Variants in ASIP observed in about 807,000 individuals in gnomAD.
ASIP encodes the protein agouti signaling protein.
ASIP carries 11 observed loss-of-function variants against 10.3 expected under a neutral mutation model. The ratio of observed to expected loss-of-function variants is 1.07; its 90% confidence interval spans 0.68 to 1.78. ASIP has a LOEUF of 1.78. Among genes scored for constraint, ASIP ranks in the 40% most tolerant of loss-of-function variants. The pLI, the probability that ASIP is intolerant of heterozygous loss-of-function variation, is 0.00. For synonymous variants in ASIP, 70 were observed against 70.8 expected, an observed-to-expected ratio of 0.99 and a Z score of 0.06; for missense variants, 180 against 169.2, an observed-to-expected ratio of 1.06 and a Z score of -0.35.
chr20:34,262,722 C>T, intron 2 of ASIP, 110 bp from the exon 3 acceptor site: 1 of 1,210,842 alleles, frequency 8.3e-7, no homozygotes, highest in Non-Finnish European at 1.2e-6. Flanking sequence ...CACGCTTCTT[C>T]TCCTCTCCCT....
intron 1 of ASIP, among the ~76,000 whole-genome samples, chr20:34,251,693 T>C (rs1026356758): frequency 1.3e-5 from 2 of 152,226 alleles, no homozygotes; most frequent in Non-Finnish European, 2.9e-5. Context: ...GTTGAAATCC[T>C]CACTGCCAAG....
chr20:34,197,251 C>T (rs74569502), intron 1 of ASIP, among the ~76,000 whole-genome samples: 16,215 of 152,058 alleles, frequency 0.11, 916 homozygotes, highest in South Asian at 0.18. Context: ...CGGGTGCCTA[C>T]TCTAGAGGCT....
At chr20:34,248,769 C>T (rs1568762767) in intron 1 of ASIP, among the ~76,000 whole-genome samples, 1 of 151,996 alleles carries the variant, frequency 6.6e-6, no homozygotes, top group Non-Finnish European at 1.5e-5. Flanking sequence ...CATTGCCTTC[C>T]AGCCTGGGTG....
At chr20:34,233,678 C>T (rs1353639612) in intron 1 of ASIP, among the ~76,000 whole-genome samples, 1 of 152,184 alleles carries the variant, frequency 6.6e-6, no homozygotes, top group Non-Finnish European at 1.5e-5. Context: ...AATACTTTGA[C>T]TATAAGCCCA....
intron 1 of ASIP, among the ~76,000 whole-genome samples, chr20:34,205,649 TATTTTACAGAGCGCTGATTTCTCC>T (rs1351329064): frequency 4.7e-5 from 7 of 148,674 alleles, no homozygotes; most frequent in Admixed American, 2.0e-4. Flanking sequence ...TCGCTTGGTC[TATTTTACAGAGCGCTGATTTCTCC>T]ATTTTACAGA....
intron 1 of ASIP, among the ~76,000 whole-genome samples, chr20:34,259,847 C>T (rs890849555): frequency 6.6e-6 from 1 of 152,096 alleles, no homozygotes; most frequent in East Asian, 1.9e-4. Flanking sequence ...TACCTGCATT[C>T]GTTCTCTCTG....
At chr20:34,232,803 G>C (rs1399983244) in intron 1 of ASIP, among the ~76,000 whole-genome samples, 1 of 152,226 alleles carries the variant, frequency 6.6e-6, no homozygotes, top group African/African-American at 2.4e-5. Context: ...GTCCACATGA[G>C]TTTCTCTGTT....
At chr20:34,234,502 CTCCTTCCTTCCT>C (rs145098261) in intron 1 of ASIP, among the ~76,000 whole-genome samples, 1 of 151,088 alleles carries the variant, frequency 6.6e-6, no homozygotes, top group Admixed American at 6.6e-5. Flanking sequence ...CTTTTCTTTT[CTCCTTCCTTCCT>C]TCCTTCCTTC....
intron 1 of ASIP, among the ~76,000 whole-genome samples, chr20:34,201,152 T>G (rs748622874): frequency 6.6e-6 from 1 of 151,874 alleles, no homozygotes; most frequent in Admixed American, 6.6e-5. Flanking sequence ...CTTGGGATAT[T>G]TTTTACTTCA....
At chr20:34,223,660 C>G (rs1391269329) in intron 1 of ASIP, among the ~76,000 whole-genome samples, 21 of 146,406 alleles carry the variant, frequency 1.4e-4, no homozygotes, top group Non-Finnish European at 4.5e-5. Flanking sequence ...TCTGCCCGGC[C>G]GCCCCTACTG....
rs2035281856 is a variant in ASIP at position 34,241,430 on chromosome 20, C to G, written c.-70C>G. ...AGTTATAGATGAGCAAGCAGCAAAT[C>G]TCTACAGCTGCAAGGTGAAAAAGGA... is the stretch of plus-strand genomic sequence containing the variant. On this transcript the variant is annotated 5_prime_UTR_variant, in exon 1 of 4. It adds an upstream start codon to the 5' untranslated region. Coordinates refer to ENST00000374954, the MANE Select transcript of ASIP (RefSeq NM_001672.3). 1.0e-6 allele frequency: 1 copy of G among 984,882 alleles called. No individual in the cohort carries two copies. The highest frequency in any genetic ancestry group is 4.7e-5 in the South Asian group (1 of 21,274). The allele number at this position is 984,882 out of a possible 1,614,324, so 61.0% of individuals were successfully genotyped here. A position where few individuals can be genotyped will look rare whatever the true frequency, so the allele number is the denominator to read the frequency against.
At chr20:34,194,588 C>G (rs1419377463) in exon 1 of ASIP, 1 of 151,570 alleles carries the variant, frequency 6.6e-6, no homozygotes, top group Non-Finnish European at 1.5e-5. Flanking sequence ...CGCTGAACGC[C>G]TGGAAGAAAT....
intron 1 of ASIP, among the ~76,000 whole-genome samples, chr20:34,250,961 A>T (rs1568764030): frequency 6.6e-6 from 1 of 151,926 alleles, no homozygotes; most frequent in Non-Finnish European, 1.5e-5. Flanking sequence ...TGATCTCAAC[A>T]CTGTTGTCTC....
At chr20:34,264,280 C>A (rs2035747275) in intron 3 of ASIP, among the ~76,000 whole-genome samples, 1 of 152,124 alleles carries the variant, frequency 6.6e-6, no homozygotes, top group African/African-American at 2.4e-5. Context: ...TACTGTACTA[C>A]CATCATAATT....
At chr20:34,188,978 G>A in the ASIP span, among the ~76,000 whole-genome samples, 1 of 152,140 alleles carries the variant, frequency 6.6e-6, no homozygotes, top group Admixed American at 6.5e-5. Flanking sequence ...TTAACCTAAA[G>A]AGTCATTTTA....
intron 1 of ASIP, among the ~76,000 whole-genome samples, chr20:34,208,755 G>C (rs1601572108): frequency 6.6e-6 from 1 of 152,192 alleles, no homozygotes; most frequent in Non-Finnish European, 1.5e-5. Flanking sequence ...ATGAACATGA[G>C]ATGGCTTTCC....
intron 1 of ASIP, among the ~76,000 whole-genome samples, chr20:34,256,352 T>G (rs1192293133): frequency 6.6e-6 from 1 of 152,218 alleles, no homozygotes; most frequent in Non-Finnish European, 1.5e-5. Flanking sequence ...CGGACCCAGC[T>G]GTATTTTATT....
At chr20:34,189,381 T>A in the ASIP span, among the ~76,000 whole-genome samples, 1 of 152,114 alleles carries the variant, frequency 6.6e-6, no homozygotes, top group Non-Finnish European at 1.5e-5. Context: ...TAGCTGGGAT[T>A]ATAGGCATGC....
At chr20:34,219,479 A>C (rs1168191995) in intron 1 of ASIP, among the ~76,000 whole-genome samples, 3 of 152,210 alleles carry the variant, frequency 2.0e-5, no homozygotes, top group Admixed American at 2.0e-4. Context: ...TGGCTCCAAA[A>C]CTTATTCTCT....
Sources: gnomAD v4.1 joint callset for allele counts (sites outside exome capture counted in the v4.1 genomes callset) on GRCh38, gnomAD v4.1.1 for gene constraint, MANE v1.5 for transcripts, NCBI Gene and HGNC (gene_info 2026-07-23, HGNC 2026-07-21) for gene names.